Variants in MCM3AP observed in about 807,000 individuals in gnomAD.
MCM3AP encodes the protein minichromosome maintenance complex component 3 associated protein.
In MCM3AP, 126 loss-of-function variants were observed where a neutral mutation model predicts 184.1. That is an observed-to-expected ratio of 0.68 (90% CI 0.59 to 0.79). The LOEUF is 0.79. Ranked by LOEUF, MCM3AP falls within the 30% of genes least tolerant of loss-of-function variation. The pLI, the probability that MCM3AP is intolerant of heterozygous loss-of-function variation, is 0.00. For synonymous variants in MCM3AP, 1,002 were observed against 979.3 expected, an observed-to-expected ratio of 1.02 and a Z score of -0.43; for missense variants, 2,496 against 2,479.2, an observed-to-expected ratio of 1.01 and a Z score of -0.14.
chr21:46,261,130 C>T (rs1015182744), intron 14 of MCM3AP, 150 bp downstream of exon 14: 3 of 1,061,890 alleles, frequency 2.8e-6, no homozygotes, highest in African/African-American at 3.1e-5. Context: ...CCATCCACCC[C>T]CTGGGCTGAA....
chr21:46,247,098 A>C, intron 20 of MCM3AP: 1 of 524,426 alleles, frequency 1.9e-6, no homozygotes. Context: ...CCTAAATCCA[A>C]TTGTTAGCAA....
At chr21:46,237,391 CTG>C (rs2080562434) in intron 26 of MCM3AP, among the ~76,000 whole-genome samples, 1 of 152,030 alleles carries the variant, frequency 6.6e-6, no homozygotes, top group Admixed American at 6.6e-5. Context: ...GAGTGAGCCA[CTG>C]TGCTTGGCCA....
chr21:46,282,885 T>A (rs755990854), intron 2 of MCM3AP, among the ~76,000 whole-genome samples: 4 of 152,114 alleles, frequency 2.6e-5, no homozygotes, highest in Non-Finnish European at 5.9e-5. Flanking sequence ...TTCAAAGCAG[T>A]TATCTCTAGA....
Position 46,285,505 on chromosome 21 carries a change from G to A in MCM3AP, c.-219C>T, listed in dbSNP as rs1172620737. On this transcript the variant is annotated 5_prime_UTR_variant, in exon 1 of 28. Transcript: ENST00000291688. ...ATAACTATTTCAAAGGCAGGCAAAG[G>A]GTTATTATTTTCTGAGAGCCGATAG... The A allele has an allele frequency of 3.7e-5, 20 of 544,356 alleles. No homozygotes were observed. In the East Asian group the frequency reaches 5.1e-4, roughly 14 times the overall value. The allele number at this position is 544,356 out of a possible 1,614,324, so 33.7% of individuals were successfully genotyped here. A position where few individuals can be genotyped will look rare whatever the true frequency, so the allele number is the denominator to read the frequency against.
chr21:46,278,512 G>C (rs1318344161), intron 4 of MCM3AP, among the ~76,000 whole-genome samples: 1 of 152,190 alleles, frequency 6.6e-6, no homozygotes, highest in Non-Finnish European at 1.5e-5. Flanking sequence ...AGTAGGCCTG[G>C]TGTGAAAAGC....
intron 9 of MCM3AP, among the ~76,000 whole-genome samples, chr21:46,268,799 T>A (rs1373727585): frequency 1.3e-5 from 2 of 152,156 alleles, no homozygotes; most frequent in Admixed American, 6.5e-5. Flanking sequence ...ATCCCAGCAC[T>A]TTGGGAGGCC....
At chr21:46,280,162 A>G (rs1183077895) in intron 3 of MCM3AP, 25 bp from the exon 4 acceptor site, 3 of 1,612,192 alleles carry the variant, frequency 1.9e-6, no homozygotes, top group East Asian at 4.5e-5. Context: ...GGCAGAAAAG[A>G]GTTTATGCAA....
chr21:46,246,469 C>A (rs1430476182), intron 21 of MCM3AP, 65 bp from the exon 22 acceptor site: 1 of 1,363,256 alleles, frequency 7.3e-7, no homozygotes, highest in East Asian at 2.3e-5. Context: ...TAACATATCT[C>A]ACTGTGCTGA....
At chr21:46,263,470 A>G (rs1279923248) in intron 13 of MCM3AP, among the ~76,000 whole-genome samples, 1 of 151,756 alleles carries the variant, frequency 6.6e-6, no homozygotes, top group African/African-American at 2.4e-5. Context: ...TTCTCAGATT[A>G]GAAGATTTAA....
Position 46,249,451 on chromosome 21 carries a change from A to G in MCM3AP, c.4290+2078T>C. 5.5e-6 allele frequency: 2 copies of G among 364,528 alleles called. No individual in the cohort carries two copies. The highest frequency in any genetic ancestry group is 4.1e-5 in the South Asian group (2 of 48,202). 22.6% of individuals were successfully genotyped at this position (364,528 alleles called of 1,614,324 possible). On this transcript the variant is annotated intron_variant, in intron 20 of 27. Coordinates refer to ENST00000291688, the MANE Select transcript of MCM3AP (RefSeq NM_003906.5). ...CAATCCGCTCACTTCGGCCTCCCAA[A>G]GTGCTGGGATTACAGGCATAAGCCA...
chr21:46,245,606 T>C (rs530561584), intron 22 of MCM3AP, among the ~76,000 whole-genome samples: 35 of 152,326 alleles, frequency 2.3e-4, no homozygotes, highest in Admixed American at 5.2e-4. Flanking sequence ...TTACTTCCTA[T>C]AGTTATTTTA....
chr21:46,277,599 T>C lies in MCM3AP; in HGVS notation c.1786A>G (p.Ile596Val). 1 of 1,611,670 alleles carries C rather than the reference T, an allele frequency of 6.2e-7. No homozygotes were observed. Among genetic ancestry groups the C allele is most frequent in the South Asian group, 1.1e-5 (1 of 90,714 alleles). ...TTGGATGTCTCAGCCACAGTGCCTA[T>C]CAGGGTACTGAGGGAGAGCACACAT... ...GPCVLSLSTL[I>V]GTVAETSKEK... is the part of the protein sequence containing the mutation. The change falls in exon 5 of 28, where the codon ATA becomes GTA. Residue 596 changes from isoleucine to valine, a missense_variant. By Grantham distance (29) the Ile-to-Val change is conservative. Transcript: ENST00000291688.
In MCM3AP at chr21:46,284,089, C is replaced by T. The variant is rs1490923740; in HGVS notation, c.1198G>A (p.Glu400Lys). The T allele has an allele frequency of 1.2e-6, 2 of 1,612,696 alleles. No homozygotes were observed. The highest frequency in any genetic ancestry group is 2.2e-5 in the East Asian group (1 of 44,856). The change falls in exon 1 of 28, where the codon GAA becomes AAA. Residue 400 changes from glutamate to lysine, a missense_variant. Glu to Lys is a moderately conservative substitution (Grantham distance 56). Transcript: ENST00000291688. ...IPGVNKEEET[E>K]SREKKEDSLR... is the part of the protein sequence containing the mutation. ...TCACCTTCTTTCTTCTCTCTACTTT[C>T]AGTTTCTTCCTCTTTATTCACACCT...
rs1569087784 is a variant in MCM3AP, at chr21:46,285,351, A to C, written c.-65T>G. On this transcript the variant is annotated 5_prime_UTR_variant, in exon 1 of 28. Coordinates refer to ENST00000291688, the MANE Select transcript of MCM3AP (RefSeq NM_003906.5). ...GTACAAAATTAATTGGCTTCCTGAA[A>C]CAGCCTGTAGCACTAGGGAGTTCCC... The C allele has an allele frequency of 3.7e-4, 411 of 1,119,438 alleles. No individual in the cohort carries two copies. Among genetic ancestry groups the C allele is most frequent in the Middle Eastern group, 2.0e-4 (1 of 4,952 alleles). The allele number at this position is 1,119,438 out of a possible 1,614,324, so 69.3% of individuals were successfully genotyped here.
Position 46,273,373 on chromosome 21 carries a change from G to T in MCM3AP, c.2196+15C>A. ...GCGTGGATTTTTTAGCATCCAGGTT[G>T]GAGGCAGCCAATACCTTCCGTATGC... On this transcript the variant is annotated intron_variant, in intron 7 of 27. Coordinates refer to ENST00000291688, the MANE Select transcript of MCM3AP (RefSeq NM_003906.5). The T allele has an allele frequency of 6.2e-7, 1 of 1,610,268 alleles. No homozygotes were observed. Among genetic ancestry groups the T allele is most frequent in the Non-Finnish European group, 8.5e-7 (1 of 1,176,778 alleles).
intron 20 of MCM3AP, among the ~76,000 whole-genome samples, chr21:46,248,928 A>G (rs1389475514): frequency 1.3e-5 from 2 of 152,184 alleles, no homozygotes; most frequent in Admixed American, 1.3e-4. Flanking sequence ...ATAGAAGTTC[A>G]AGAGAGAACA....
intron 6 of MCM3AP, among the ~76,000 whole-genome samples, chr21:46,273,987 C>T (rs17182725): frequency 6.6e-6 from 1 of 152,208 alleles, no homozygotes; most frequent in Non-Finnish European, 1.5e-5. Flanking sequence ...CTGCTGAGGA[C>T]ACAGCATCAG....
chr21:46,238,683 G>A (rs2123802132), intron 26 of MCM3AP, among the ~76,000 whole-genome samples: 1 of 57,200 alleles, frequency 1.7e-5, no homozygotes, highest in East Asian at 3.8e-4. Context: ...ACTCTAGCCT[G>A]GGCAACAGAG....
intron 20 of MCM3AP, chr21:46,250,458 A>G (rs1199473192): frequency 6.6e-6 from 1 of 152,260 alleles, no homozygotes; most frequent in Non-Finnish European, 1.5e-5. Flanking sequence ...ACAGAAGCCA[A>G]CAAAAGCAAC....
Sources: allele counts gnomAD v4.1 joint callset (sites outside exome capture counted in the v4.1 genomes callset), GRCh38; gene constraint gnomAD v4.1.1; transcripts MANE v1.5; gene names NCBI Gene and HGNC (gene_info 2026-07-23, HGNC 2026-07-21).